Variants in TIPARP observed in about 807,000 individuals in gnomAD.
The protein encoded by TIPARP is protein mono-ADP-ribosyltransferase TIPARP.
Under a neutral mutation model 56.5 loss-of-function variants are expected in TIPARP, and 12 were observed. That is an observed-to-expected ratio of 0.21 (90% CI 0.14 to 0.34). The LOEUF (loss-of-function observed/expected upper bound fraction) is 0.34. Ranked by LOEUF, TIPARP falls within the 10% of genes least tolerant of loss-of-function variation. TIPARP has a pLI of 1.00. For synonymous variants in TIPARP, 296 were observed against 265.7 expected (o/e 1.11, Z -1.11); for missense variants, 604 against 781.6 (o/e 0.77, Z 2.71).
intron 2 of TIPARP, among the ~76,000 whole-genome samples, chr3:156,687,082 A>C (rs1722449341): frequency 6.6e-6 from 1 of 152,220 alleles, no homozygotes; most frequent in Non-Finnish European, 1.5e-5. Flanking sequence ...TGCATAATTT[A>C]AGGTAGTATA....
intron 1 of TIPARP, among the ~76,000 whole-genome samples, chr3:156,677,081 A>G (rs1722149035): frequency 6.6e-6 from 1 of 152,234 alleles, no homozygotes; most frequent in African/African-American, 2.4e-5. Context: ...AGAAATGCTT[A>G]ACAGACTCCT....
Position 156,677,717 on chromosome 3 carries a change from A to C in TIPARP, c.20A>C (p.Glu7Ala). MEMETTEPEPDCVVQPP... is the reference protein window; with the variant it reads MEMETTAPEPDCVVQPP... ...CACATTATGGAAATGGAAACCACCG[A>C]ACCTGAGCCAGACTGTGTAGTGCAG... Residue 7 changes from glutamate to alanine, a missense_variant, in exon 2 of 6, where the codon GAA (glutamate) becomes GCA (alanine). Around this residue, in one of 4 missense-constraint regions of TIPARP, gnomAD observed 261 missense variants for 279.2 expected, o/e 0.93. Transcript: ENST00000295924. The C allele has an allele frequency of 1.3e-6, 2 of 1,590,548 alleles. No individual in the cohort carries two copies. Among genetic ancestry groups the C allele is most frequent in the Non-Finnish European group, 1.7e-6 (2 of 1,172,130 alleles).
chr3:156,690,560 G>C (rs344012), intron 2 of TIPARP, among the ~76,000 whole-genome samples: 145,094 of 152,266 alleles, frequency 0.95, 69,171 homozygotes, highest in Middle Eastern at 0.99. Flanking sequence ...AGTGGGATGT[G>C]TGGTGGTGAG....
rs754182195 is a variant in TIPARP, at chr3:156,677,659, T to G, written c.-39T>G. 12 of 1,512,284 alleles carry G rather than the reference T, an allele frequency of 7.9e-6. No individual in the cohort carries two copies. In the South Asian group the frequency reaches 1.5e-4, roughly 19 times the overall value. 93.7% of individuals were successfully genotyped at this position (1,512,284 alleles called of 1,614,324 possible). On this transcript the variant is annotated splice_region_variant and 5_prime_UTR_variant, in exon 2 of 6. Coordinates refer to ENST00000295924, the MANE Select transcript of TIPARP (RefSeq NM_015508.5). ...CATCTTCCTTCCTTTCCTCGTAGGA[T>G]TTTTAGACTCTGAGGAGCAGTTGGA...
intron 2 of TIPARP, among the ~76,000 whole-genome samples, chr3:156,684,167 T>C (rs890482372): frequency 6.6e-5 from 10 of 152,240 alleles, no homozygotes; most frequent in African/African-American, 2.4e-4. Flanking sequence ...TGTAAAAGTT[T>C]TGAAAGAAAC....
chr3:156,677,962 A>G lies in TIPARP; in HGVS notation c.265A>G (p.Met89Val), dbSNP rs568594097. 23 of 1,614,158 alleles carry G rather than the reference A, an allele frequency of 1.4e-5. 2 individuals carry two copies. The South Asian group carries it at 1.8e-4, about 12-fold the overall frequency. Residue 89 changes from methionine (M) to valine (V), a missense_variant, in exon 2 of 6, where the codon ATG becomes GTG. Met to Val is a conservative substitution (Grantham distance 21, BLOSUM62 1). Around this residue, in one of 4 missense-constraint regions of TIPARP, gnomAD observed 261 missense variants for 279.2 expected, o/e 0.93. Transcript: ENST00000295924. The stretch of plus-strand genomic sequence containing the variant: ...AGATGAGAACAGCTTACATGAACCT[A>G]TGATGAAGAAAGCCATGGAAATCAA... Reference protein sequence around the residue: ...STDENSLHEPMMKKAMEINSS... With the variant: ...STDENSLHEPVMKKAMEINSS...
intron 2 of TIPARP, among the ~76,000 whole-genome samples, chr3:156,687,512 G>A (rs1242092751): frequency 6.6e-6 from 1 of 152,178 alleles, no homozygotes; most frequent in Admixed American, 6.5e-5. Flanking sequence ...ACTGTAATTT[G>A]CTTTTAGTGG....
intron 2 of TIPARP, among the ~76,000 whole-genome samples, chr3:156,679,730 G>C (rs1722242644): frequency 6.6e-6 from 1 of 152,128 alleles, no homozygotes; most frequent in Non-Finnish European, 1.5e-5. Context: ...CATCCCAGAA[G>C]TCCAAGAGAA....
intron 1 of TIPARP, among the ~76,000 whole-genome samples, chr3:156,676,201 C>G (rs1021488988): frequency 6.6e-6 from 1 of 152,224 alleles, no homozygotes; most frequent in Non-Finnish European, 1.5e-5. Flanking sequence ...TGGCTCCTTT[C>G]CAGTTGATTT....
chr3:156,702,095 G>C (rs1293582348), intron 4 of TIPARP, among the ~76,000 whole-genome samples: 3 of 151,108 alleles, frequency 2.0e-5, no homozygotes, highest in Non-Finnish European at 4.4e-5. Flanking sequence ...TGGTGGTGGT[G>C]ATGGTGGTGT....
intron 2 of TIPARP, among the ~76,000 whole-genome samples, chr3:156,681,684 TTA>T (rs1368315082): frequency 6.6e-6 from 1 of 152,184 alleles, no homozygotes; most frequent in Non-Finnish European, 1.5e-5. Flanking sequence ...TAAAAGCACA[TTA>T]AAAAAGGATT....
At chr3:156,694,289 T>C (rs1722654779) in intron 3 of TIPARP, 101 bp downstream of exon 3, 2 of 1,054,454 alleles carry the variant, frequency 1.9e-6, no homozygotes, top group East Asian at 2.7e-5. Flanking sequence ...GGCAGAACTA[T>C]GCATATAATC....
In TIPARP at chr3:156,703,563, A is replaced by G. The variant is rs942689983; in HGVS notation, c.1387A>G (p.Ile463Val). Residue 463 changes from isoleucine (I) to valine (V), a missense_variant, in exon 5 of 6, where the codon ATC (isoleucine) becomes GTC (valine). Physicochemically the swap from Ile to Val is conservative, Grantham distance 29. Transcript: ENST00000295924. ...WVYMHPSQDF[I>V]QVPVSAEDKS... ...TTATATGCATCCATCTCAGGACTTC[A>G]TCCAAGTCCCTGTTTCTGCAGAGGA... The G allele has an allele frequency of 6.2e-7, 1 of 1,614,222 alleles. No homozygotes were observed. The highest frequency in any genetic ancestry group is 1.3e-5 in the African/African-American group (1 of 75,064).
intron 3 of TIPARP, 79 bp downstream of exon 3, chr3:156,694,267 C>T: frequency 3.0e-6 from 4 of 1,331,426 alleles, no homozygotes; most frequent in Non-Finnish European, 4.1e-6. Flanking sequence ...TCTTTCTTTA[C>T]AACAATGACT....
rs370232193 is a variant in TIPARP at position 156,705,141 on chromosome 3, G to C, written c.*10G>C. 1 of 1,315,192 alleles carries C rather than the reference G, an allele frequency of 7.6e-7. No homozygotes were observed. The highest frequency in any genetic ancestry group is 1.3e-5 in the South Asian group (1 of 78,674). 81.5% of individuals were successfully genotyped at this position (1,315,192 alleles called of 1,614,324 possible). ...CACTGTTTCCATTTGAAAAATCTTGGTACTGCTAAATTATTTGATATGAAC... is the reference window on the plus strand; with the variant it reads ...CACTGTTTCCATTTGAAAAATCTTGCTACTGCTAAATTATTTGATATGAAC... On this transcript the variant is annotated 3_prime_UTR_variant, in exon 6 of 6. Transcript: ENST00000295924.
intron 4 of TIPARP, among the ~76,000 whole-genome samples, chr3:156,698,305 G>A (rs1168892528): frequency 1.3e-5 from 2 of 152,202 alleles, no homozygotes. Context: ...GATCATTGAT[G>A]ACAGTGGCTA....
chr3:156,697,487 G>A (rs1408773739), intron 4 of TIPARP, among the ~76,000 whole-genome samples: 2 of 144,056 alleles, frequency 1.4e-5, no homozygotes, highest in Admixed American at 7.3e-5. Flanking sequence ...GATAATATAA[G>A]CAGCAATACA....
At chr3:156,703,839 C>A in intron 5 of TIPARP, 137 bp downstream of exon 5, 1 of 888,860 alleles carries the variant, frequency 1.1e-6, no homozygotes, top group Non-Finnish European at 1.6e-6. Flanking sequence ...CGGTGAAACC[C>A]CGTCTCTACT....
intron 3 of TIPARP, 34 bp from the exon 4 acceptor site, chr3:156,695,826 CTTTTT>C (rs10631452): frequency 2.4e-5 from 25 of 1,031,134 alleles, no homozygotes; most frequent in Middle Eastern, 3.2e-4. Flanking sequence ...ATTAACTTTC[CTTTTT>C]TTTTTTTTTT....
Sources: gnomAD v4.1 joint callset for allele counts (sites outside exome capture counted in the v4.1 genomes callset) on GRCh38, gnomAD v4.1.1 for gene constraint, gnomAD v4.1.1 regional missense constraint, MANE v1.5 for transcripts, NCBI Gene and HGNC (gene_info 2026-07-23, HGNC 2026-07-21) for gene names.